Variants in SPIDR observed in about 807,000 individuals in gnomAD.
The protein encoded by SPIDR is scaffold protein involved in DNA repair.
A neutral mutation model predicts 104.6 loss-of-function variants in SPIDR; 93 were observed. The ratio of observed to expected loss-of-function variants is 0.89; its 90% CI spans 0.75 to 1.06. SPIDR has a LOEUF of 1.06. SPIDR is among the 50% of genes least tolerant of loss of function. The pLI is 0.00. For missense variants in SPIDR, 1,154 were observed against 1,111.2 expected (o/e 1.04, Z -0.55); for synonymous variants, 431 against 416.9 (o/e 1.03, Z -0.41).
intron 1 of SPIDR, among the ~76,000 whole-genome samples, chr8:47,278,345 G>T (rs1427888794): frequency 1.3e-5 from 2 of 150,236 alleles, no homozygotes; most frequent in East Asian, 2.0e-4. Flanking sequence ...TCAAAGACAG[G>T]ATCTTGCTCT....
intron 7 of SPIDR, among the ~76,000 whole-genome samples, chr8:47,417,137 T>C (rs2064484533): frequency 6.6e-6 from 1 of 152,248 alleles, no homozygotes; most frequent in African/African-American, 2.4e-5. Context: ...TTTGGGTATA[T>C]ACCCAGTAAT....
chr8:47,660,937 T>G (rs2074014701), intron 10 of SPIDR: 1 of 985,264 alleles, frequency 1.0e-6, no homozygotes, highest in Non-Finnish European at 1.2e-6. Flanking sequence ...ACCAAGATTT[T>G]GAGCACAGAA....
chr8:47,382,968 A>G (rs2059492718), intron 5 of SPIDR, among the ~76,000 whole-genome samples: 1 of 152,188 alleles, frequency 6.6e-6, no homozygotes, highest in South Asian at 2.1e-4. Flanking sequence ...AGAATCCCCA[A>G]AAGAAACGGA....
At chr8:47,349,899 G>C (rs1375916234) in intron 5 of SPIDR, among the ~76,000 whole-genome samples, 2 of 152,222 alleles carry the variant, frequency 1.3e-5, no homozygotes, top group African/African-American at 4.8e-5. Context: ...GCTAGGAAAG[G>C]GAATTCCCTG....
intron 8 of SPIDR, among the ~76,000 whole-genome samples, chr8:47,468,352 A>G (rs990846038): frequency 1.3e-5 from 2 of 152,168 alleles, no homozygotes; most frequent in Non-Finnish European, 2.9e-5. Context: ...AATAAAAACT[A>G]TTTTCAAATT....
chr8:47,647,070 G>T (rs188625600), intron 10 of SPIDR, among the ~76,000 whole-genome samples: 4 of 152,218 alleles, frequency 2.6e-5, no homozygotes, highest in Admixed American at 6.5e-5. Context: ...CAGTGTGGGG[G>T]ATTATTTAGT....
intron 7 of SPIDR, among the ~76,000 whole-genome samples, chr8:47,430,023 C>G (rs1442583663): frequency 2.6e-5 from 4 of 152,018 alleles, no homozygotes; most frequent in African/African-American, 4.8e-5. Context: ...TCTGTTATTC[C>G]CATGTGAAAG....
intron 11 of SPIDR, among the ~76,000 whole-genome samples, chr8:47,678,069 C>T (rs981069775): frequency 4.6e-5 from 7 of 151,878 alleles, no homozygotes; most frequent in African/African-American, 1.7e-4. Context: ...AGTTAATTCT[C>T]TCACTTATTC....
intron 8 of SPIDR, among the ~76,000 whole-genome samples, chr8:47,521,256 A>G (rs1259340829): frequency 1.3e-5 from 2 of 152,158 alleles, no homozygotes; most frequent in African/African-American, 2.4e-5. Flanking sequence ...CTAATCAACT[A>G]GTAATAACTG....
At chr8:47,614,132 G>T (rs1350587493) in intron 10 of SPIDR, among the ~76,000 whole-genome samples, 1 of 152,022 alleles carries the variant, frequency 6.6e-6, no homozygotes, top group African/African-American at 2.4e-5. Context: ...TTGGTTTTCT[G>T]TTCCTGTGAT....
intron 11 of SPIDR, among the ~76,000 whole-genome samples, chr8:47,698,872 G>A (rs899532859): frequency 9.2e-5 from 14 of 152,192 alleles, no homozygotes; most frequent in Non-Finnish European, 1.8e-4. Context: ...CCTGCCAGCC[G>A]CAGATGTGCC....
chr8:47,511,202 T>G, intron 8 of SPIDR: 5 of 1,591,786 alleles, frequency 3.1e-6, no homozygotes, highest in Non-Finnish European at 8.6e-7. Context: ...ATCCTGTGGC[T>G]GTGGTTAAAT....
intron 8 of SPIDR, among the ~76,000 whole-genome samples, chr8:47,480,995 A>C (rs1473244239): frequency 6.6e-6 from 1 of 152,244 alleles, no homozygotes; most frequent in African/African-American, 2.4e-5. Context: ...AGTTCAAGAT[A>C]ATTGGCAAAG....
At chr8:47,706,515 C>G (rs2081109450) in intron 14 of SPIDR, among the ~76,000 whole-genome samples, 1 of 152,180 alleles carries the variant, frequency 6.6e-6, no homozygotes, top group Admixed American at 6.5e-5. Context: ...GCACTTCTTG[C>G]AGTTTTGTCA....
chr8:47,638,365 G>A (rs2068295472), intron 10 of SPIDR, among the ~76,000 whole-genome samples: 1 of 152,114 alleles, frequency 6.6e-6, no homozygotes. Context: ...GCTGGTCTCA[G>A]ACTCCTGAAC....
intron 10 of SPIDR, among the ~76,000 whole-genome samples, chr8:47,623,826 A>G (rs917073674): frequency 1.2e-4 from 18 of 152,198 alleles, no homozygotes; most frequent in Admixed American, 3.9e-4. Flanking sequence ...AGACAGATCA[A>G]CGAGACAGAA....
At chr8:47,329,366 C>T (rs377175028) in intron 5 of SPIDR, among the ~76,000 whole-genome samples, 28 of 152,226 alleles carry the variant, frequency 1.8e-4, no homozygotes, top group East Asian at 1.4e-3. Context: ...CCACCGCGCC[C>T]GACCCAATTT....
intron 1 of SPIDR, among the ~76,000 whole-genome samples, chr8:47,262,836 A>G (rs949341451): frequency 6.6e-6 from 1 of 152,150 alleles, no homozygotes; most frequent in Non-Finnish European, 1.5e-5. Flanking sequence ...GTCAGTCTCA[A>G]AAGTACTTAA....
chr8:47,294,184 T>G, intron 5 of SPIDR, 154 bp downstream of exon 5: 1 of 910,232 alleles, frequency 1.1e-6, no homozygotes, highest in Non-Finnish European at 1.6e-6. Context: ...CACTTATCTC[T>G]AAATAACATG....
Sources: gnomAD v4.1 joint callset for allele counts (sites outside exome capture counted in the v4.1 genomes callset) on GRCh38, gnomAD v4.1.1 for gene constraint, MANE v1.5 for transcripts, NCBI Gene and HGNC (gene_info 2026-07-23, HGNC 2026-07-21) for gene names.